The following ABI1 variants were observed in gnomAD, a reference collection of about 807,000 sequenced individuals.
The protein encoded by ABI1 is abl interactor 1.
Under a neutral mutation model 54.6 loss-of-function variants are expected in ABI1, and 14 were observed. The ratio of observed to expected loss-of-function variants is 0.26; its 90% CI spans 0.17 to 0.40. The LOEUF (loss-of-function observed/expected upper bound fraction) is 0.40, where lower values mean the gene tolerates loss of function less well. Ranked by LOEUF, ABI1 falls within the 10% of genes least tolerant of loss-of-function variation. ABI1 has a pLI of 1.00. For missense variants in ABI1, 443 were observed against 598.3 expected, an observed-to-expected ratio of 0.74 and a Z score of 2.71; for synonymous variants, 194 against 209.3, an observed-to-expected ratio of 0.93 and a Z score of 0.63.
intron 1 of ABI1, among the ~76,000 whole-genome samples, chr10:26,857,863 A>G (rs78474541): frequency 7.2e-6 from 1 of 138,866 alleles, no homozygotes; most frequent in South Asian, 2.1e-4. Context: ...AAAAAAAAAA[A>G]AAGAAAGAAA....
chr10:26,773,313 T>A (rs1021789720), intron 3 of ABI1, among the ~76,000 whole-genome samples: 1 of 149,230 alleles, frequency 6.7e-6, no homozygotes, highest in Non-Finnish European at 1.5e-5. Context: ...GCGAGTCTCC[T>A]GCCTCAGCCT....
Position 26,823,141 on chromosome 10 carries a change from T to C in ABI1, c.282A>G (p.Ser94=), listed in dbSNP as rs2048093543. 6.3e-7 allele frequency: 1 copy of C among 1,592,208 alleles called. No homozygotes were observed. The highest frequency in any genetic ancestry group is 1.8e-5 in the Admixed American group (1 of 54,348). ...AAAGCATTTTATAAGCTGTTACCTGTGAGATATGATTGATGGAAGACTCCA... is the reference window on the plus strand; with the variant it reads ...AAAGCATTTTATAAGCTGTTACCTGCGAGATATGATTGATGGAAGACTCCA... ...RRMESSINHI[S]QTVDIHKEKV... Residue 94 remains serine (S), a synonymous_variant, in exon 2 of 11, where the codon TCA becomes TCG. Transcript: ENST00000376140.
Position 26,830,392 on chromosome 10 carries a change from C to A in ABI1, c.118-7087G>T, listed in dbSNP as rs140632211. 4.7e-3 allele frequency among the ~76,000 whole-genome samples: 713 copies of A among 152,044 alleles called. 5 individuals carry two copies. The highest frequency in any genetic ancestry group is 7.1e-3 in the Non-Finnish European group (486 of 67,974). Reference sequence around the variant, plus strand: ...ATCTCAGCATTTTGGGAGGTCATGGCGAGAGGACTGCTTAAGCTCAGGAGT... The same window carrying A: ...ATCTCAGCATTTTGGGAGGTCATGGAGAGAGGACTGCTTAAGCTCAGGAGT... On this transcript the variant is annotated intron_variant, in intron 1 of 10. Coordinates refer to ENST00000376140, the MANE Select transcript of ABI1 (RefSeq NM_001012750.3).
intron 2 of ABI1, among the ~76,000 whole-genome samples, chr10:26,811,889 T>C (rs1588951741): frequency 6.6e-6 from 1 of 152,312 alleles, no homozygotes; most frequent in East Asian, 1.9e-4. Context: ...TTAACAGTTC[T>C]GGTGGCCAGA....
At chr10:26,841,447 T>C (rs2049498408) in intron 1 of ABI1, among the ~76,000 whole-genome samples, 1 of 145,894 alleles carries the variant, frequency 6.9e-6, no homozygotes, top group African/African-American at 2.5e-5. Context: ...CAGCTAAAAA[T>C]CTATTCATTT....
chr10:26,788,792 A>C (rs1298446044), intron 2 of ABI1, among the ~76,000 whole-genome samples: 4 of 151,950 alleles, frequency 2.6e-5, no homozygotes, highest in Non-Finnish European at 5.9e-5. Context: ...GGACGCCTGT[A>C]GTCCCAGCTA....
chr10:26,777,313 C>T, intron 2 of ABI1, 72 bp from the exon 3 acceptor site: 2 of 1,254,558 alleles, frequency 1.6e-6, no homozygotes, highest in Non-Finnish European at 2.2e-6. Flanking sequence ...ATACACTGGA[C>T]CATATTTAGG....
At chr10:26,788,695 G>A (rs1225821509) in intron 2 of ABI1, among the ~76,000 whole-genome samples, 1 of 152,080 alleles carries the variant, frequency 6.6e-6, no homozygotes, top group East Asian at 1.9e-4. Flanking sequence ...GGCGGATCAC[G>A]AGGTCAGGAG....
intron 1 of ABI1, among the ~76,000 whole-genome samples, chr10:26,839,409 C>A (rs762141662): frequency 2.0e-5 from 3 of 151,914 alleles, no homozygotes; most frequent in Non-Finnish European, 4.4e-5. Flanking sequence ...GGTGGGAGGA[C>A]TGCTTGAGCC....
chr10:26,777,005 C>G, intron 3 of ABI1, 60 bp downstream of exon 3: 1 of 1,348,726 alleles, frequency 7.4e-7, no homozygotes, highest in African/African-American at 1.5e-5. Flanking sequence ...ACAATATTTC[C>G]TATCCAAAAT....
At chr10:26,819,011 G>C (rs10829075) in intron 2 of ABI1, among the ~76,000 whole-genome samples, 1 of 152,064 alleles carries the variant, frequency 6.6e-6, no homozygotes, top group Non-Finnish European at 1.5e-5. Flanking sequence ...AAAAAAGAAA[G>C]TGCATGACAC....
intron 10 of ABI1, among the ~76,000 whole-genome samples, chr10:26,750,724 C>T (rs562462038): frequency 2.6e-5 from 4 of 152,052 alleles, no homozygotes; most frequent in Non-Finnish European, 5.9e-5. Context: ...TTAATTGATT[C>T]CCACTTCTGC....
chr10:26,844,573 C>T lies in ABI1; in HGVS notation c.117+16174G>A, dbSNP rs191116196. Reference sequence around the variant, plus strand: ...CCCACGCAGCCAGCTAGCAGTCAAGCTTTATTCCTATTCTCCAACCCACTG... The same window carrying T: ...CCCACGCAGCCAGCTAGCAGTCAAGTTTTATTCCTATTCTCCAACCCACTG... On this transcript the variant is annotated intron_variant, in intron 1 of 10. Coordinates refer to ENST00000376140, the MANE Select transcript of ABI1 (RefSeq NM_001012750.3). Among the ~76,000 whole-genome samples, 33 of 152,298 alleles carry T rather than the reference C, an allele frequency of 2.2e-4. No homozygotes were observed. The East Asian group carries it at 6.4e-3, about 29-fold the overall frequency.
intron 2 of ABI1, among the ~76,000 whole-genome samples, chr10:26,818,631 C>CAAAAAAAAAAAAAAAAAAAAAAAA (rs376157276): frequency 2.7e-5 from 2 of 73,088 alleles, no homozygotes; most frequent in African/African-American, 1.1e-4. Context: ...GACCCCGTCA[C>CAAAAAAAAAAAAAAAAAAAAAAAA]AAAAAAAAAA....
intron 1 of ABI1, among the ~76,000 whole-genome samples, chr10:26,851,594 A>T (rs956927824): frequency 8.5e-5 from 13 of 152,084 alleles, no homozygotes; most frequent in Non-Finnish European, 1.5e-5. Context: ...AGAGATCTGA[A>T]ATGTTTCAAT....
intron 1 of ABI1, among the ~76,000 whole-genome samples, chr10:26,834,920 TG>T (rs2048943457): frequency 1.3e-5 from 2 of 151,820 alleles, no homozygotes; most frequent in African/African-American, 2.4e-5. Context: ...CTGGCCAACA[TG>T]GTGAAATCCC....
intron 10 of ABI1, 140 bp downstream of exon 10, chr10:26,751,458 G>A: frequency 2.7e-6 from 2 of 748,556 alleles, no homozygotes; most frequent in Non-Finnish European, 4.0e-6. Context: ...CAAAACTTAG[G>A]AAGTAAGGTT....
At chr10:26,755,403 G>C (rs1838174347) in intron 9 of ABI1, among the ~76,000 whole-genome samples, 1 of 152,140 alleles carries the variant, frequency 6.6e-6, no homozygotes, top group Admixed American at 6.5e-5. Context: ...AATATGTAAA[G>C]ATCAGATCTC....
chr10:26,805,109 C>T (rs557056138), intron 2 of ABI1, among the ~76,000 whole-genome samples: 21 of 152,230 alleles, frequency 1.4e-4, no homozygotes, highest in African/African-American at 3.6e-4. Flanking sequence ...AAAACAAAGA[C>T]GCACAAATTT....
Sources: allele counts gnomAD v4.1 joint callset (sites outside exome capture counted in the v4.1 genomes callset), GRCh38; gene constraint gnomAD v4.1.1; transcripts MANE v1.5; gene names NCBI Gene and HGNC (gene_info 2026-07-23, HGNC 2026-07-21).